Variants in USO1 observed in about 807,000 individuals in gnomAD.
The protein encoded by USO1 is general vesicular transport factor p115.
In USO1, 57 loss-of-function variants were observed where a neutral mutation model predicts 124.5. The observed-to-expected ratio is 0.46, with a 90% CI of 0.37 to 0.57. The LOEUF (loss-of-function observed/expected upper bound fraction) is 0.57. Among genes scored for constraint, USO1 ranks in the 20% least tolerant of loss-of-function variants. The probability of loss-of-function intolerance (pLI) is 0.00; values close to 1 mark genes in which losing one functional copy is unlikely to be tolerated. For synonymous variants in USO1, 369 were observed against 362.8 expected, an observed-to-expected ratio of 1.02 and a Z score of -0.19; for missense variants, 900 against 1,040.6, an observed-to-expected ratio of 0.86 and a Z score of 1.86.
At chr4:75,810,727 T>TTTTTG (rs908155905) in intron 22 of USO1, among the ~76,000 whole-genome samples, 188 bp downstream of exon 22, 2 of 152,102 alleles carry the variant, frequency 1.3e-5, no homozygotes, top group South Asian at 2.1e-4. Flanking sequence ...GTTTTGGGTT[T>TTTTTG]TTTTGTTTTG....
chr4:75,809,745 T>G (rs947621646), intron 21 of USO1, among the ~76,000 whole-genome samples: 3 of 152,192 alleles, frequency 2.0e-5, no homozygotes, highest in Non-Finnish European at 2.9e-5. Flanking sequence ...ACTATGACCA[T>G]GAAGCTTCTT....
intron 4 of USO1, among the ~76,000 whole-genome samples, chr4:75,759,246 CTT>C (rs71208100): frequency 2.7e-4 from 19 of 69,124 alleles, no homozygotes; most frequent in African/African-American, 9.0e-4. Flanking sequence ...TATTAAGGAC[CTT>C]TTTTTTTTTT....
intron 1 of USO1, among the ~76,000 whole-genome samples, chr4:75,733,216 G>A (rs1469301928): frequency 1.3e-5 from 2 of 151,908 alleles, no homozygotes; most frequent in Admixed American, 6.6e-5. Flanking sequence ...CCGAGATCAC[G>A]CCACTGCAGT....
At chr4:75,742,491 T>TTTC (rs1720992288) in intron 1 of USO1, among the ~76,000 whole-genome samples, 1 of 150,516 alleles carries the variant, frequency 6.6e-6, no homozygotes, top group African/African-American at 2.5e-5. Context: ...GAGGCATTTG[T>TTTC]TTCTTGTTAA....
intron 13 of USO1, among the ~76,000 whole-genome samples, chr4:75,798,634 T>G (rs1296020498): frequency 6.6e-6 from 1 of 152,032 alleles, no homozygotes; most frequent in Non-Finnish European, 1.5e-5. Flanking sequence ...TATAGAAGAG[T>G]CAAGATATTG....
chr4:75,726,060 T>A (rs1236492524), intron 1 of USO1, among the ~76,000 whole-genome samples: 1 of 152,144 alleles, frequency 6.6e-6, no homozygotes, highest in Non-Finnish European at 1.5e-5. Context: ...GGCCGGCGGA[T>A]CACCTGAGGT....
At chr4:75,806,274 C>T (rs1314843026) in intron 19 of USO1, among the ~76,000 whole-genome samples, 3 of 152,126 alleles carry the variant, frequency 2.0e-5, no homozygotes, top group Non-Finnish European at 4.4e-5. Flanking sequence ...CATGAGCCAC[C>T]GCACCCAGCC....
intron 17 of USO1, among the ~76,000 whole-genome samples, chr4:75,803,295 C>T (rs775109821): frequency 9.2e-5 from 14 of 151,436 alleles, no homozygotes; most frequent in Non-Finnish European, 1.3e-4. Context: ...TATATATATA[C>T]CTATTGTGAC....
At chr4:75,786,055 CTGAGT>C (rs1176861814) in intron 9 of USO1, among the ~76,000 whole-genome samples, 4 of 152,158 alleles carry the variant, frequency 2.6e-5, no homozygotes, top group African/African-American at 7.2e-5. Flanking sequence ...TCATTACTCA[CTGAGT>C]TAACTACTGG....
chr4:75,778,994 T>C (rs1211193964), intron 8 of USO1, among the ~76,000 whole-genome samples: 1 of 152,214 alleles, frequency 6.6e-6, no homozygotes, highest in Non-Finnish European at 1.5e-5. Flanking sequence ...CCTCACTTCA[T>C]GTCTCTGTCA....
intron 13 of USO1, among the ~76,000 whole-genome samples, chr4:75,794,318 A>AGT (rs924304382): frequency 8.1e-4 from 123 of 152,318 alleles, no homozygotes; most frequent in African/African-American, 2.9e-3. Flanking sequence ...ACAATGGAAC[A>AGT]GTGGTCCCTT....
At chr4:75,790,344 GT>G in intron 11 of USO1, 106 bp downstream of exon 11, 1 of 1,386,610 alleles carries the variant, frequency 7.2e-7, no homozygotes, top group Non-Finnish European at 9.6e-7. Context: ...TTAGTTGTAT[GT>G]TTTGGAACTA....
intron 8 of USO1, among the ~76,000 whole-genome samples, chr4:75,778,489 A>G (rs969326647): frequency 6.6e-6 from 1 of 152,156 alleles, no homozygotes; most frequent in African/African-American, 2.4e-5. Context: ...AAACATATAT[A>G]TAAGTGGACC....
intron 4 of USO1, among the ~76,000 whole-genome samples, chr4:75,768,494 G>C (rs1006546199): frequency 2.0e-5 from 3 of 152,104 alleles, no homozygotes; most frequent in African/African-American, 7.2e-5. Context: ...CTTTTATCCT[G>C]CAACTTTCTA....
At chr4:75,786,647 T>C (rs1722370744) in intron 9 of USO1, among the ~76,000 whole-genome samples, 1 of 152,192 alleles carries the variant, frequency 6.6e-6, no homozygotes, top group Non-Finnish European at 1.5e-5. Context: ...ATTTCCAGTT[T>C]AGGGGAGATT....
At chr4:75,744,199 C>G (rs1455101275) in intron 1 of USO1, among the ~76,000 whole-genome samples, 1 of 152,184 alleles carries the variant, frequency 6.6e-6, no homozygotes, top group Non-Finnish European at 1.5e-5. Context: ...TCAGGTTGCA[C>G]TGTTCTTGGC....
intron 3 of USO1, among the ~76,000 whole-genome samples, chr4:75,756,169 C>CAAA (rs11451328): frequency 3.6e-5 from 4 of 112,198 alleles, no homozygotes; most frequent in Middle Eastern, 4.5e-3. Flanking sequence ...GACTCCGTCT[C>CAAA]AAAAAAAAAA....
chr4:75,763,175 G>GC (rs1379395048), intron 4 of USO1, among the ~76,000 whole-genome samples: 2 of 152,162 alleles, frequency 1.3e-5, no homozygotes, highest in Non-Finnish European at 2.9e-5. Context: ...AAATACATTT[G>GC]AAGAGTAAAT....
rs556790593 is a variant in USO1 at position 75,790,896 on chromosome 4, T to C, written c.1240+99T>C. The C allele has an allele frequency of 4.0e-3, 5,372 of 1,343,114 alleles. 16 individuals are homozygous for C. The highest frequency in any genetic ancestry group is 4.6e-3 in the Non-Finnish European group (4,798 of 1,035,580). The allele number at this position is 1,343,114 out of a possible 1,614,324, so 83.2% of individuals were successfully genotyped here. A position where few individuals can be genotyped will look rare whatever the true frequency, so the allele number is the denominator to read the frequency against. On this transcript the variant is annotated intron_variant, in intron 12 of 23. Coordinates refer to ENST00000514213, the MANE Select transcript of USO1 (RefSeq NM_003715.4). ...TTTTATGCTTTAGCCTAAAATACTT[T>C]GCATGCTTAGGAGAGAAAAAAAAAA...
Sources: gnomAD v4.1 joint callset for allele counts (sites outside exome capture counted in the v4.1 genomes callset) on GRCh38, gnomAD v4.1.1 for gene constraint, MANE v1.5 for transcripts, NCBI Gene and HGNC (gene_info 2026-07-23, HGNC 2026-07-21) for gene names.